BBS9: variants seen among roughly 807,000 people sequenced by gnomAD.
BBS9 encodes the protein protein PTHB1.
BBS9 carries 89 observed loss-of-function variants against 117.7 expected under a neutral mutation model. That is an observed-to-expected ratio of 0.76 (90% CI 0.64 to 0.90). The LOEUF (loss-of-function observed/expected upper bound fraction) is 0.90. BBS9 is among the 40% of genes least tolerant of loss of function. The pLI is 0.00. For synonymous variants in BBS9, 379 were observed against 370.9 expected (o/e 1.02, Z -0.25); for missense variants, 982 against 1,042.2 (o/e 0.94, Z 0.80).
chr7:33,265,229 A>T (rs894611684), intron 7 of BBS9, among the ~76,000 whole-genome samples: 5 of 152,208 alleles, frequency 3.3e-5, no homozygotes, highest in Non-Finnish European at 5.9e-5. Context: ...ACAGTATTGG[A>T]GAAGACTATG....
intron 19 of BBS9, among the ~76,000 whole-genome samples, chr7:33,420,104 C>G (rs55744824): frequency 0.09 from 13,422 of 149,470 alleles, 632 homozygotes; most frequent in South Asian, 0.18. Flanking sequence ...GGACAAGAAC[C>G]AGGGTTTCTG....
chr7:33,361,226 A>G (rs2128696111), intron 16 of BBS9, among the ~76,000 whole-genome samples: 1 of 152,330 alleles, frequency 6.6e-6, no homozygotes, highest in Admixed American at 6.5e-5. Flanking sequence ...CTGACCATCA[A>G]TGTATGTCAC....
At chr7:33,213,074 G>A (rs1412815113) in intron 5 of BBS9, among the ~76,000 whole-genome samples, 1 of 152,196 alleles carries the variant, frequency 6.6e-6, no homozygotes, top group African/African-American at 2.4e-5. Context: ...GCTGATGCCA[G>A]CCAGGTTTGT....
intron 21 of BBS9, among the ~76,000 whole-genome samples, chr7:33,550,400 T>G (rs1306744074): frequency 6.6e-6 from 1 of 152,232 alleles, no homozygotes; most frequent in African/African-American, 2.4e-5. Context: ...TTATATTGCA[T>G]TATTTTTATT....
chr7:33,535,945 T>G (rs1223090146), intron 21 of BBS9, among the ~76,000 whole-genome samples: 1 of 152,088 alleles, frequency 6.6e-6, no homozygotes, highest in Non-Finnish European at 1.5e-5. Context: ...CTCAAATCCC[T>G]GTCTTAGTCG....
At chr7:33,419,327 G>A (rs897992366) in intron 19 of BBS9, among the ~76,000 whole-genome samples, 13 of 151,848 alleles carry the variant, frequency 8.6e-5, no homozygotes, top group African/African-American at 3.1e-4. Flanking sequence ...TACCTTTTTT[G>A]ATGAAAATAT....
At chr7:33,309,948 C>A (rs760855705) in intron 9 of BBS9, among the ~76,000 whole-genome samples, 1 of 152,152 alleles carries the variant, frequency 6.6e-6, no homozygotes, top group East Asian at 1.9e-4. Flanking sequence ...TTAAAAGAAA[C>A]TAGAGAAGGT....
chr7:33,229,875 A>G (rs947583772), intron 5 of BBS9, among the ~76,000 whole-genome samples: 1 of 151,984 alleles, frequency 6.6e-6, no homozygotes, highest in Admixed American at 6.6e-5. Context: ...CATTTCCACC[A>G]ACGGTATACA....
intron 20 of BBS9, among the ~76,000 whole-genome samples, chr7:33,527,278 A>T (rs1383175900): frequency 1.3e-5 from 2 of 152,188 alleles, no homozygotes; most frequent in Non-Finnish European, 2.9e-5. Context: ...GGCTCCCCCC[A>T]GTTCGAGCTT....
chr7:33,596,360 T>TATCC, intron 21 of BBS9, among the ~76,000 whole-genome samples: 1 of 2,090 alleles, frequency 4.8e-4, no homozygotes, highest in South Asian at 0.016. Flanking sequence ...GATATATAAT[T>TATCC]ATCTATCTAT....
rs200644662 is a variant in BBS9 at position 33,450,869 on chromosome 7, T to TTTTTTTTG, written c.2116-54566_2116-54559dup. ...GTTTCCTTTGCTGTTCAGAAGTTTT[T>TTTTTTTTG]TTTTTTTGTTTTTTTGTTTTTTTGT... On this transcript the variant is annotated intron_variant, in intron 19 of 22. Transcript: ENST00000242067. Among the ~76,000 whole-genome samples the TTTTTTTTG allele has an allele frequency of 2.3e-4, 35 of 151,040 alleles. No individual in the cohort carries two copies. In the East Asian group the frequency reaches 6.3e-3, roughly 27 times the overall value.
At chr7:33,147,891 T>C (rs550502252) in intron 2 of BBS9, among the ~76,000 whole-genome samples, 5 of 151,780 alleles carry the variant, frequency 3.3e-5, no homozygotes, top group Admixed American at 2.6e-4. Context: ...AATCATTACA[T>C]ATGTGTGTTC....
intron 5 of BBS9, among the ~76,000 whole-genome samples, chr7:33,253,262 T>C (rs1443634611): frequency 6.6e-6 from 1 of 152,204 alleles, no homozygotes; most frequent in Non-Finnish European, 1.5e-5. Flanking sequence ...TTCTGTGTTA[T>C]TTAAGATCTG....
chr7:33,270,188 A>T (rs980209183), intron 7 of BBS9, among the ~76,000 whole-genome samples: 3 of 152,186 alleles, frequency 2.0e-5, no homozygotes, highest in Non-Finnish European at 4.4e-5. Flanking sequence ...CTCTGAAAAC[A>T]TCCAGAAAAG....
At chr7:33,311,871 A>G (rs1203745447) in intron 9 of BBS9, among the ~76,000 whole-genome samples, 1 of 151,898 alleles carries the variant, frequency 6.6e-6, no homozygotes. Context: ...AGCAATGGCT[A>G]TTTTTTTTCT....
chr7:33,401,843 C>T (rs938710808), intron 19 of BBS9, among the ~76,000 whole-genome samples: 1 of 152,100 alleles, frequency 6.6e-6, no homozygotes, highest in African/African-American at 2.4e-5. Flanking sequence ...TTTTCCCCCA[C>T]AAGAGACAGC....
At chr7:33,311,509 C>G (rs939287415) in intron 9 of BBS9, among the ~76,000 whole-genome samples, 2 of 152,162 alleles carry the variant, frequency 1.3e-5, no homozygotes, top group African/African-American at 4.8e-5. Context: ...TCTGTATATT[C>G]TTCTCATATA....
At chr7:33,134,057 A>AT (rs200432726) in intron 1 of BBS9, among the ~76,000 whole-genome samples, 26 of 148,264 alleles carry the variant, frequency 1.8e-4, no homozygotes, top group South Asian at 8.5e-4. Flanking sequence ...TATGCTGAGC[A>AT]TTTTTTTTTT....
At chr7:33,259,374 C>T (rs1449672641) in intron 6 of BBS9, among the ~76,000 whole-genome samples, 1 of 152,146 alleles carries the variant, frequency 6.6e-6, no homozygotes, top group Non-Finnish European at 1.5e-5. Flanking sequence ...TTATAAAATG[C>T]ACTTTTACAG....
Sources: gnomAD v4.1 joint callset for allele counts (sites outside exome capture counted in the v4.1 genomes callset) on GRCh38, gnomAD v4.1.1 for gene constraint, MANE v1.5 for transcripts, NCBI Gene and HGNC (gene_info 2026-07-23, HGNC 2026-07-21) for gene names.